Variants in TMPRSS15 observed in about 807,000 individuals in gnomAD.
TMPRSS15 encodes enteropeptidase.
TMPRSS15 carries 128 observed loss-of-function variants against 125.3 expected under a neutral mutation model. The ratio of observed to expected loss-of-function variants is 1.02; its 90% CI spans 0.89 to 1.18. The LOEUF (loss-of-function observed/expected upper bound fraction) is 1.18, where lower values mean the gene tolerates loss of function less well. Ranked by LOEUF, TMPRSS15 falls within the 50% of genes most tolerant of loss-of-function variation. The pLI is 0.00. For missense variants in TMPRSS15, 1,283 were observed against 1,212.7 expected, an observed-to-expected ratio of 1.06 and a Z score of -0.86; for synonymous variants, 446 against 423.2, an observed-to-expected ratio of 1.05 and a Z score of -0.66.
At chr21:18,377,600 C>T (rs1290117784) in intron 5 of TMPRSS15, among the ~76,000 whole-genome samples, 1 of 152,086 alleles carries the variant, frequency 6.6e-6, no homozygotes, top group Admixed American at 6.6e-5. Context: ...TTGCCAAATA[C>T]ATATAGACTG....
intron 1 of TMPRSS15, among the ~76,000 whole-genome samples, chr21:18,442,483 T>C (rs2076244537): frequency 6.6e-6 from 1 of 152,248 alleles, no homozygotes; most frequent in Non-Finnish European, 1.5e-5. Context: ...AAAGTAGTTA[T>C]TTATATTTTT....
chr21:18,435,767 CT>C, intron 1 of TMPRSS15, among the ~76,000 whole-genome samples: 1 of 151,968 alleles, frequency 6.6e-6, no homozygotes, highest in East Asian at 1.9e-4. Context: ...GTCCTGGACT[CT>C]TTTTAGTTGG....
At chr21:18,274,257 C>A (rs74978876) in intron 24 of TMPRSS15, among the ~76,000 whole-genome samples, 2,759 of 152,228 alleles carry the variant, frequency 0.018, 93 homozygotes, top group African/African-American at 0.062. Flanking sequence ...TCTCCATAAA[C>A]CCTAAGTCAC....
intron 16 of TMPRSS15, among the ~76,000 whole-genome samples, chr21:18,320,304 T>C (rs2075220974): frequency 6.6e-6 from 1 of 152,128 alleles, no homozygotes; most frequent in Admixed American, 6.5e-5. Flanking sequence ...TGATCAATTA[T>C]ATTGATATAC....
chr21:18,456,922 T>C (rs1174049264), intron 1 of TMPRSS15, among the ~76,000 whole-genome samples: 1 of 152,062 alleles, frequency 6.6e-6, no homozygotes, highest in East Asian at 1.9e-4. Context: ...AGAAAGAGCC[T>C]GAATGCAGCA....
chr21:18,414,533 C>A (rs1413858170), intron 1 of TMPRSS15, among the ~76,000 whole-genome samples: 2 of 152,160 alleles, frequency 1.3e-5, no homozygotes, highest in African/African-American at 2.4e-5. Context: ...CAGCCCTTGG[C>A]AATCATTATT....
intron 19 of TMPRSS15, among the ~76,000 whole-genome samples, chr21:18,295,918 G>A (rs567774941): frequency 1.2e-3 from 181 of 152,186 alleles, no homozygotes; most frequent in Non-Finnish European, 2.2e-3. Flanking sequence ...TTTGGGAGGC[G>A]GAGGCGGGCG....
At position 18,269,291 on chromosome 21, in the gene TMPRSS15, T is replaced by C. The variant is rs935176604; in HGVS notation, c.*678A>G. The C allele has an allele frequency of 3.3e-5, 5 of 152,334 alleles. No individual in the cohort carries two copies. The highest frequency in any genetic ancestry group is 3.3e-4 in the Admixed American group (5 of 15,286). The allele number at this position is 152,334 out of a possible 1,614,324, so 9.4% of individuals were successfully genotyped here. A position where few individuals can be genotyped will look rare whatever the true frequency, so the allele number is the denominator to read the frequency against. On this transcript the variant is annotated 3_prime_UTR_variant, in exon 25 of 25. Transcript: ENST00000284885. ...TTATTTTCTTGAGACTTAAAAATAC[T>C]TGCTTGAAATAAATAGGTAAAATTT...
chr21:18,467,386 C>T (rs987657362), intron 1 of TMPRSS15, among the ~76,000 whole-genome samples: 4 of 148,506 alleles, frequency 2.7e-5, no homozygotes, highest in African/African-American at 1.0e-4. Flanking sequence ...GCACATGTAT[C>T]CCAGAATGAA....
intron 1 of TMPRSS15, among the ~76,000 whole-genome samples, chr21:18,454,481 G>A (rs1978402261): frequency 6.6e-6 from 1 of 152,122 alleles, no homozygotes; most frequent in Non-Finnish European, 1.5e-5. Flanking sequence ...AGGCTGAGAA[G>A]TCCCGTGATA....
intron 1 of TMPRSS15, among the ~76,000 whole-genome samples, chr21:18,436,276 T>C (rs1473686971): frequency 6.6e-6 from 1 of 151,844 alleles, no homozygotes; most frequent in Non-Finnish European, 1.5e-5. Flanking sequence ...TTTAGTGCTA[T>C]AAATTTCCCT....
intron 3 of TMPRSS15, among the ~76,000 whole-genome samples, chr21:18,396,492 C>T (rs1247718382): frequency 6.6e-6 from 1 of 152,040 alleles, no homozygotes; most frequent in Non-Finnish European, 1.5e-5. Context: ...ATACATCTTA[C>T]AGCTGGGCGC....
intron 1 of TMPRSS15, among the ~76,000 whole-genome samples, chr21:18,444,079 A>G (rs1601464875): frequency 6.6e-6 from 1 of 151,238 alleles, no homozygotes; most frequent in Non-Finnish European, 1.5e-5. Flanking sequence ...CTCACAGCAC[A>G]CTCCCCGCCC....
intron 10 of TMPRSS15, among the ~76,000 whole-genome samples, chr21:18,345,775 C>CATGAAT (rs2075502625): frequency 8.6e-6 from 1 of 116,064 alleles, no homozygotes. Flanking sequence ...CACTGAATAT[C>CATGAAT]ATGAATAAAT....
At chr21:18,278,924 GTTTTTTTTT>G in intron 23 of TMPRSS15, 31 bp downstream of exon 23, 4 of 438,006 alleles carry the variant, frequency 9.1e-6, no homozygotes, top group South Asian at 2.1e-5. Context: ...CACCAGTAAG[GTTTTTTTTT>G]TTTTTTTTTT....
intron 5 of TMPRSS15, among the ~76,000 whole-genome samples, chr21:18,372,888 A>G (rs940618301): frequency 6.6e-6 from 1 of 152,244 alleles, no homozygotes; most frequent in Non-Finnish European, 1.5e-5. Flanking sequence ...ACTTAAGTCT[A>G]GAGATGCACC....
intron 1 of TMPRSS15, among the ~76,000 whole-genome samples, chr21:18,451,345 TG>T (rs1431099788): frequency 1.4e-5 from 2 of 138,206 alleles, no homozygotes; most frequent in South Asian, 4.8e-4. Context: ...ACTAAATGTC[TG>T]TTTTTATTTT....
chr21:18,399,164 T>A (rs1167052284), intron 1 of TMPRSS15, among the ~76,000 whole-genome samples: 1 of 152,094 alleles, frequency 6.6e-6, no homozygotes, highest in Non-Finnish European at 1.5e-5. Context: ...AATAATCTGG[T>A]GCGAGAAGAC....
intron 24 of TMPRSS15, 113 bp downstream of exon 24, chr21:18,275,082 TAA>T: frequency 7.1e-7 from 1 of 1,405,600 alleles, no homozygotes; most frequent in Non-Finnish European, 1.0e-6. Context: ...AACAGTTTTG[TAA>T]AAGAGAAATG....
Sources: allele counts gnomAD v4.1 joint callset (sites outside exome capture counted in the v4.1 genomes callset), GRCh38; gene constraint gnomAD v4.1.1; transcripts MANE v1.5; gene names NCBI Gene and HGNC (gene_info 2026-07-23, HGNC 2026-07-21).